The following AFG1L variants were observed in gnomAD, a reference collection of about 807,000 sequenced individuals.
AFG1L encodes AFG1 like ATPase.
AFG1L carries 53 observed loss-of-function variants against 62.2 expected under a neutral mutation model. The ratio of observed to expected loss-of-function variants is 0.85; its 90% CI spans 0.68 to 1.07. The LOEUF is 1.07. Among genes scored for constraint, AFG1L ranks in the 50% least tolerant of loss-of-function variants. AFG1L has a pLI of 0.00. For synonymous variants in AFG1L, 228 were observed against 210.3 expected, an observed-to-expected ratio of 1.08 and a Z score of -0.73; for missense variants, 555 against 590.5, an observed-to-expected ratio of 0.94 and a Z score of 0.62.
chr6:108,383,577 A>G (rs970435218), intron 6 of AFG1L, among the ~76,000 whole-genome samples: 1 of 152,076 alleles, frequency 6.6e-6, no homozygotes. Context: ...GAAAACTAAC[A>G]TAAGAAGCTC....
intron 3 of AFG1L, among the ~76,000 whole-genome samples, chr6:108,354,090 A>C (rs1006795764): frequency 1.3e-5 from 2 of 152,150 alleles, no homozygotes; most frequent in African/African-American, 4.8e-5. Flanking sequence ...GGACTAGCAC[A>C]TGCTAGCCTG....
rs537816682 is a variant in AFG1L at position 108,523,553 on chromosome 6, G to A, written c.*1128G>A. On this transcript the variant is annotated 3_prime_UTR_variant, in exon 13 of 13. Transcript: ENST00000368977. ...TGTGAAAATTAAGCATTTGGGGGAAGGTAAGGCATAGGTGAGTCAGTCCAA... is the reference window on the plus strand; with the variant it reads ...TGTGAAAATTAAGCATTTGGGGGAAAGTAAGGCATAGGTGAGTCAGTCCAA... 1.6e-4 allele frequency: 25 copies of A among 152,270 alleles called. No individual in the cohort carries two copies. The East Asian group carries it at 3.7e-3, about 22-fold the overall frequency. The allele number at this position is 152,270 out of a possible 1,614,324, so 9.4% of individuals were successfully genotyped here. A position where few individuals can be genotyped will look rare whatever the true frequency, so the allele number is the denominator to read the frequency against.
At chr6:108,314,886 C>T (rs566014414) in intron 1 of AFG1L, among the ~76,000 whole-genome samples, 2 of 151,998 alleles carry the variant, frequency 1.3e-5, no homozygotes, top group Non-Finnish European at 2.9e-5. Flanking sequence ...CTCACCCAGG[C>T]TAGAGTGCAG....
intron 10 of AFG1L, among the ~76,000 whole-genome samples, chr6:108,482,216 C>G (rs922087598): frequency 6.7e-6 from 1 of 150,140 alleles, no homozygotes; most frequent in African/African-American, 2.4e-5. Context: ...CTTACAAAAT[C>G]ATACATGACA....
intron 1 of AFG1L, among the ~76,000 whole-genome samples, chr6:108,302,110 C>T (rs1296879411): frequency 6.6e-6 from 1 of 152,138 alleles, no homozygotes; most frequent in Non-Finnish European, 1.5e-5. Context: ...CCATGCCCTG[C>T]TAATTTTTGT....
At chr6:108,424,903 A>G (rs770305477) in intron 7 of AFG1L, among the ~76,000 whole-genome samples, 31 of 152,198 alleles carry the variant, frequency 2.0e-4, no homozygotes, top group Non-Finnish European at 1.6e-4. Context: ...ATATAAATGT[A>G]TCACTGCCAT....
intron 7 of AFG1L, among the ~76,000 whole-genome samples, chr6:108,412,737 G>T (rs969476965): frequency 1.3e-5 from 2 of 152,132 alleles, no homozygotes; most frequent in African/African-American, 2.4e-5. Context: ...TCACCACCAG[G>T]CCTGCCCTAA....
chr6:108,426,336 A>G (rs755531213), intron 7 of AFG1L, among the ~76,000 whole-genome samples: 1 of 152,190 alleles, frequency 6.6e-6, no homozygotes, highest in Non-Finnish European at 1.5e-5. Context: ...AGCTGCATGT[A>G]TAGTGGGAAC....
At chr6:108,417,926 C>T (rs536196537) in intron 7 of AFG1L, among the ~76,000 whole-genome samples, 7 of 152,160 alleles carry the variant, frequency 4.6e-5, no homozygotes, top group South Asian at 4.2e-4. Flanking sequence ...CTCCACCTCC[C>T]GGGTTCACGC....
intron 7 of AFG1L, among the ~76,000 whole-genome samples, chr6:108,415,649 T>C (rs1479376667): frequency 6.6e-6 from 1 of 152,142 alleles, no homozygotes; most frequent in Non-Finnish European, 1.5e-5. Flanking sequence ...TTGAGAAACC[T>C]GACAAAAACA....
chr6:108,467,254 T>TC, intron 8 of AFG1L, among the ~76,000 whole-genome samples: 1 of 152,012 alleles, frequency 6.6e-6, no homozygotes, highest in East Asian at 1.9e-4. Flanking sequence ...ACTTACTTTT[T>TC]TTTTTTTTTT....
chr6:108,397,119 C>T (rs1278420217), intron 6 of AFG1L, among the ~76,000 whole-genome samples: 4 of 152,060 alleles, frequency 2.6e-5, no homozygotes, highest in African/African-American at 7.2e-5. Context: ...ACCTCTGCCT[C>T]CCAGGTTCAA....
At chr6:108,454,909 GATT>G (rs1772194158) in intron 8 of AFG1L, among the ~76,000 whole-genome samples, 2 of 152,150 alleles carry the variant, frequency 1.3e-5, no homozygotes, top group Non-Finnish European at 2.9e-5. Flanking sequence ...AAAGTGCTGG[GATT>G]ACAGGAGTGA....
At chr6:108,498,157 C>T (rs1774041032) in intron 10 of AFG1L, among the ~76,000 whole-genome samples, 1 of 152,184 alleles carries the variant, frequency 6.6e-6, no homozygotes, top group East Asian at 1.9e-4. Flanking sequence ...TGCAAAGCCT[C>T]TTGAGACCTA....
At chr6:108,346,809 C>A (rs1014125603) in intron 2 of AFG1L, among the ~76,000 whole-genome samples, 179 bp from the exon 3 acceptor site, 4 of 152,098 alleles carry the variant, frequency 2.6e-5, no homozygotes, top group African/African-American at 9.7e-5. Context: ...AGAGTTTTTT[C>A]CCTTTTTAAG....
rs1562475149 is a variant in AFG1L, at chr6:108,324,030, A to G, written c.345A>G (p.Ala115=). ...HEDLKGYNIE[A]EGLFSKLFSR... is the part of the protein sequence containing the mutation. ...ACCTTAAAGGATACAATATAGAGGCAGAAGGCCTTTTTTCAAAGGTGAGGC... is the reference window on the plus strand; with the variant it reads ...ACCTTAAAGGATACAATATAGAGGCGGAAGGCCTTTTTTCAAAGGTGAGGC... The change falls in exon 2 of 13, where the codon GCA becomes GCG. Residue 115 remains alanine (A), a synonymous_variant. Coordinates refer to ENST00000368977, the MANE Select transcript of AFG1L (RefSeq NM_145315.5). 1.9e-6 allele frequency: 3 copies of G among 1,610,414 alleles called. No individual in the cohort carries two copies. Among genetic ancestry groups the G allele is most frequent in the Non-Finnish European group, 2.5e-6 (3 of 1,177,176 alleles).
intron 7 of AFG1L, among the ~76,000 whole-genome samples, chr6:108,445,681 A>AGAGAGAGAG (rs1582598653): frequency 7.1e-6 from 1 of 140,350 alleles, no homozygotes; most frequent in African/African-American, 2.7e-5. Flanking sequence ...AGAGAGAGAG[A>AGAGAGAGAG]AACAGCCAGT....
intron 10 of AFG1L, among the ~76,000 whole-genome samples, chr6:108,483,552 T>C (rs534260688): frequency 8.8e-4 from 134 of 152,336 alleles, no homozygotes; most frequent in African/African-American, 3.2e-3. Flanking sequence ...TGACTAGACC[T>C]GAATTTTCCT....
chr6:108,421,792 G>A (rs1490425887), intron 7 of AFG1L, among the ~76,000 whole-genome samples: 1 of 151,804 alleles, frequency 6.6e-6, no homozygotes, highest in East Asian at 1.9e-4. Context: ...TTTCTTTCTG[G>A]GAAATCTGTT....
Sources: allele counts gnomAD v4.1 joint callset (sites outside exome capture counted in the v4.1 genomes callset), GRCh38; gene constraint gnomAD v4.1.1; transcripts MANE v1.5; gene names NCBI Gene and HGNC (gene_info 2026-07-23, HGNC 2026-07-21).